ASIC2: variants seen among roughly 807,000 people sequenced by gnomAD.
ASIC2 encodes the protein acid-sensing ion channel 2.
Under a neutral mutation model 57.3 loss-of-function variants are expected in ASIC2, and 25 were observed. The observed-to-expected ratio is 0.44, with a 90% CI of 0.32 to 0.61. The LOEUF (loss-of-function observed/expected upper bound fraction) is 0.61, where lower values mean the gene tolerates loss of function less well. Ranked by LOEUF, ASIC2 falls within the 20% of genes least tolerant of loss-of-function variation. The pLI, the probability that ASIC2 is intolerant of heterozygous loss-of-function variation, is 0.06. For missense variants in ASIC2, 641 were observed against 738.1 expected (o/e 0.87, Z 1.52); for synonymous variants, 319 against 307.5 (o/e 1.04, Z -0.39).
At chr17:33,723,918 A>G (rs1909464156) in intron 1 of ASIC2, among the ~76,000 whole-genome samples, 2 of 152,138 alleles carry the variant, frequency 1.3e-5, no homozygotes, top group Non-Finnish European at 2.9e-5. Flanking sequence ...CTGGCAGAGG[A>G]GCTTGAAATC....
chr17:33,316,319 G>T (rs116430408), intron 1 of ASIC2, among the ~76,000 whole-genome samples: 69 of 152,286 alleles, frequency 4.5e-4, no homozygotes, highest in African/African-American at 1.7e-3. Flanking sequence ...TGCTTGGCTG[G>T]AAGTTCAGAT....
chr17:33,937,186 C>T (rs908728903), intron 1 of ASIC2, among the ~76,000 whole-genome samples: 2 of 152,202 alleles, frequency 1.3e-5, no homozygotes, highest in African/African-American at 4.8e-5. Context: ...ACTGCAAACT[C>T]CGCCTCCTGT....
rs183537294 is a variant in ASIC2 at position 33,621,207 on chromosome 17, G to T, written c.556-509140C>A. On this transcript the variant is annotated intron_variant, in intron 1 of 9. Transcript: ENST00000359872. Reference sequence around the variant, plus strand: ...GCATGTGTTTGTTAACTAGTTATGAGAGTAATATAACTATAACGTAAGTAA... The same window carrying T: ...GCATGTGTTTGTTAACTAGTTATGATAGTAATATAACTATAACGTAAGTAA... Among the ~76,000 whole-genome samples, 70 of 152,224 alleles carry T rather than the reference G, an allele frequency of 4.6e-4. 1 individual carries two copies. Among genetic ancestry groups the T allele is most frequent in the Non-Finnish European group, 7.4e-5 (5 of 68,024 alleles).
intron 1 of ASIC2, among the ~76,000 whole-genome samples, chr17:33,705,842 G>C (rs1319442421): frequency 1.3e-5 from 2 of 152,112 alleles, no homozygotes; most frequent in Non-Finnish European, 2.9e-5. Context: ...CAGAAAACTG[G>C]TACGATGTTC....
intron 1 of ASIC2, among the ~76,000 whole-genome samples, chr17:34,084,591 T>G (rs1420520348): frequency 1.3e-5 from 2 of 149,182 alleles, no homozygotes; most frequent in South Asian, 4.2e-4. Flanking sequence ...AGTCATTGGT[T>G]GCTTGATGAG....
intron 1 of ASIC2, among the ~76,000 whole-genome samples, chr17:33,267,233 A>T (rs1193416062): frequency 6.6e-6 from 1 of 150,606 alleles, no homozygotes; most frequent in African/African-American, 2.4e-5. Flanking sequence ...TGCACCCCTT[A>T]CCCCCCCCAG....
chr17:33,387,151 G>A (rs1290938704), intron 1 of ASIC2, among the ~76,000 whole-genome samples: 2 of 152,142 alleles, frequency 1.3e-5, no homozygotes, highest in Non-Finnish European at 2.9e-5. Flanking sequence ...GCCTCCCAAA[G>A]TGCTGGAATT....
chr17:33,574,448 T>C (rs1470959285), intron 1 of ASIC2, among the ~76,000 whole-genome samples: 2 of 152,236 alleles, frequency 1.3e-5, no homozygotes, highest in Non-Finnish European at 2.9e-5. Flanking sequence ...ATCAACATTT[T>C]AGACTGGATA....
At chr17:33,786,853 CATGA>C (rs1354764851) in intron 1 of ASIC2, among the ~76,000 whole-genome samples, 3 of 152,194 alleles carry the variant, frequency 2.0e-5, no homozygotes, top group South Asian at 2.1e-4. Flanking sequence ...GGGCATTTTG[CATGA>C]AGAGTCTGAG....
At chr17:33,473,283 T>A (rs1913113756) in intron 1 of ASIC2, among the ~76,000 whole-genome samples, 1 of 152,262 alleles carries the variant, frequency 6.6e-6, no homozygotes, top group Admixed American at 6.5e-5. Context: ...ATCCAAGCAC[T>A]AAATCCACCT....
intron 1 of ASIC2, among the ~76,000 whole-genome samples, chr17:34,088,846 C>T (rs537344939): frequency 9.8e-5 from 15 of 152,338 alleles, no homozygotes; most frequent in Admixed American, 2.0e-4. Context: ...GAGCCACGTG[C>T]GGGATATAAT....
At chr17:33,542,712 T>C (rs1454192311) in intron 1 of ASIC2, among the ~76,000 whole-genome samples, 1 of 122,700 alleles carries the variant, frequency 8.1e-6, no homozygotes, top group Non-Finnish European at 1.7e-5. Flanking sequence ...TTCACTCTGA[T>C]GGTAGTTTCT....
At chr17:33,674,427 A>T (rs1907746605) in intron 1 of ASIC2, among the ~76,000 whole-genome samples, 1 of 152,220 alleles carries the variant, frequency 6.6e-6, no homozygotes, top group Non-Finnish European at 1.5e-5. Flanking sequence ...CTAAATGAAA[A>T]AATGTTTGGT....
At chr17:33,944,061 G>T (rs576140083) in intron 1 of ASIC2, among the ~76,000 whole-genome samples, 1 of 152,210 alleles carries the variant, frequency 6.6e-6, no homozygotes, top group South Asian at 2.1e-4. Flanking sequence ...TACTCTAAAA[G>T]AAATTCTTGT....
At chr17:33,659,678 G>A (rs1379632236) in intron 1 of ASIC2, among the ~76,000 whole-genome samples, 1 of 152,016 alleles carries the variant, frequency 6.6e-6, no homozygotes, top group Non-Finnish European at 1.5e-5. Context: ...AGACCATCCT[G>A]GCCAACATGG....
At chr17:33,727,628 G>A (rs1233567134) in intron 1 of ASIC2, among the ~76,000 whole-genome samples, 2 of 152,158 alleles carry the variant, frequency 1.3e-5, no homozygotes, top group African/African-American at 2.4e-5. Context: ...CATGGAAGAT[G>A]AGCCTGCTTC....
intron 1 of ASIC2, among the ~76,000 whole-genome samples, chr17:33,331,045 T>C (rs1375982892): frequency 1.3e-5 from 2 of 152,036 alleles, no homozygotes; most frequent in Admixed American, 1.3e-4. Context: ...GGCGGGCAAG[T>C]GAAACTTACC....
intron 3 of ASIC2, among the ~76,000 whole-genome samples, chr17:33,084,907 T>A (rs142798176): frequency 5.9e-5 from 9 of 152,316 alleles, no homozygotes; most frequent in African/African-American, 2.2e-4. Context: ...AAGAAAGCAA[T>A]CTTTGGACTG....
chr17:34,137,222 C>G (rs1912151778), intron 1 of ASIC2, among the ~76,000 whole-genome samples: 1 of 152,152 alleles, frequency 6.6e-6, no homozygotes, highest in African/African-American at 2.4e-5. Context: ...CCATATCCAT[C>G]CTGGACAAAA....
Sources: allele counts gnomAD v4.1 joint callset (sites outside exome capture counted in the v4.1 genomes callset), GRCh38; gene constraint gnomAD v4.1.1; transcripts MANE v1.5; gene names NCBI Gene and HGNC (gene_info 2026-07-23, HGNC 2026-07-21).